RPS6KA2: variants seen among roughly 807,000 people sequenced by gnomAD.
RPS6KA2 encodes ribosomal protein S6 kinase A2.
A neutral mutation model predicts 91.8 loss-of-function variants in RPS6KA2; 42 were observed. That is an observed-to-expected ratio of 0.46 (90% CI 0.36 to 0.59). The LOEUF (loss-of-function observed/expected upper bound fraction) is 0.59, where lower values mean the gene tolerates loss of function less well. RPS6KA2 is among the 20% of genes least tolerant of loss of function. The pLI is 0.00. For missense variants in RPS6KA2, 798 were observed against 978.5 expected (o/e 0.82, Z 2.46); for synonymous variants, 414 against 393.6 (o/e 1.05, Z -0.61).
rs1449272308 is a variant in RPS6KA2, at chr6:166,494,646, C to T, written c.747+3862G>A. Among the ~76,000 whole-genome samples the T allele has an allele frequency of 6.6e-6, 1 of 152,180 alleles. No homozygotes were observed. The highest frequency in any genetic ancestry group is 1.5e-5 in the Non-Finnish European group (1 of 68,030). On this transcript the variant is annotated intron_variant, in intron 8 of 20. Coordinates refer to ENST00000265678, the MANE Select transcript of RPS6KA2 (RefSeq NM_021135.6). The surrounding 1 kb of genome is among the most constrained non-coding windows in gnomAD (Gnocchi z 5.1). ...CAGCCGGCCACCAGGTTTGCACGTT[C>T]TTCTCCAGGTACCAGCTCCTAATTT...
At chr6:166,467,094 ACTCT>A (rs1295152145) in intron 11 of RPS6KA2, among the ~76,000 whole-genome samples, 13 of 147,608 alleles carry the variant, frequency 8.8e-5, no homozygotes, top group African/African-American at 1.5e-4. Flanking sequence ...TCACTCATTC[ACTCT>A]CTAACTCACT....
At chr6:166,684,554 A>G (rs950818750) in intron 2 of RPS6KA2, among the ~76,000 whole-genome samples, 3 of 152,124 alleles carry the variant, frequency 2.0e-5, no homozygotes, top group Non-Finnish European at 4.4e-5. Flanking sequence ...CTAAGCCCCA[A>G]TTTGAGGCTC....
At chr6:166,444,494 C>T (rs1256060333) in intron 14 of RPS6KA2, among the ~76,000 whole-genome samples, 2 of 152,232 alleles carry the variant, frequency 1.3e-5, no homozygotes, top group African/African-American at 4.8e-5. Context: ...CACATCTGTT[C>T]ACCTACAATG....
intron 2 of RPS6KA2, among the ~76,000 whole-genome samples, chr6:166,832,016 A>G (rs769605411): frequency 6.6e-6 from 1 of 151,250 alleles, no homozygotes; most frequent in Non-Finnish European, 1.5e-5. Flanking sequence ...ACATATATAC[A>G]TACATGTATA....
In RPS6KA2 at chr6:166,627,160, C is replaced by G; in HGVS notation, c.-141G>C. The G allele has an allele frequency of 1.1e-5, 12 of 1,100,940 alleles. No individual in the cohort carries two copies. The highest frequency in any genetic ancestry group is 1.3e-5 in the Non-Finnish European group (12 of 905,424). 68.2% of individuals were successfully genotyped at this position (1,100,940 alleles called of 1,614,324 possible). On this transcript the variant is annotated 5_prime_UTR_variant, in exon 1 of 21. Coordinates refer to ENST00000265678, the MANE Select transcript of RPS6KA2 (RefSeq NM_021135.6). ...GGCCATGGGCGCGGGGCGTGGGGCGCGAGCTGCGGTCACAAAGGGCAGGCC... is the reference window on the plus strand; with the variant it reads ...GGCCATGGGCGCGGGGCGTGGGGCGGGAGCTGCGGTCACAAAGGGCAGGCC...
At chr6:166,701,485 G>T in intron 2 of RPS6KA2, 1 of 1,186,230 alleles carries the variant, frequency 8.4e-7, no homozygotes, top group Non-Finnish European at 1.3e-6. Flanking sequence ...CCTCACCTTA[G>T]CATCTGGTGC....
chr6:166,813,126 T>C lies in RPS6KA2; in HGVS notation c.123+45074A>G, dbSNP rs975422898. 3.3e-5 allele frequency among the ~76,000 whole-genome samples: 5 copies of C among 151,972 alleles called. No individual in the cohort carries two copies. The East Asian group carries it at 7.7e-4, about 24-fold the overall frequency. The stretch of plus-strand genomic sequence containing the variant: ...AGACCACCGCTCCCTGGAGAACGGA[T>C]CCAGACTTTCCCCACATCTTTTATA... On this transcript the variant is annotated intron_variant, in intron 2 of 21. Transcript: ENST00000503859.
chr6:166,596,860 C>T (rs1171615509), intron 1 of RPS6KA2, among the ~76,000 whole-genome samples: 19 of 152,180 alleles, frequency 1.2e-4, no homozygotes, highest in Admixed American at 1.2e-3. Context: ...GGGGGGTTTC[C>T]ACCACTGAAA....
intron 5 of RPS6KA2, among the ~76,000 whole-genome samples, chr6:166,505,903 G>A (rs1013311175): frequency 5.9e-5 from 9 of 152,190 alleles, no homozygotes; most frequent in Admixed American, 3.9e-4. Context: ...ATATCCACAC[G>A]TGGCCCACCA....
intron 1 of RPS6KA2, among the ~76,000 whole-genome samples, chr6:166,575,900 T>C (rs1449580341): frequency 2.0e-5 from 3 of 152,138 alleles, no homozygotes; most frequent in East Asian, 1.9e-4. Context: ...TAAAGCAAAA[T>C]AGGTGATATG....
intron 11 of RPS6KA2, among the ~76,000 whole-genome samples, chr6:166,468,355 A>T (rs983780343): frequency 1.3e-5 from 2 of 152,212 alleles, no homozygotes; most frequent in South Asian, 4.1e-4. Flanking sequence ...TAATCTTACG[A>T]AAGTTCTTTA....
rs1409670351 is a variant in RPS6KA2 at position 166,790,949 on chromosome 6, C to T, written c.123+67251G>A. Among the ~76,000 whole-genome samples, 4 of 152,322 alleles carry T rather than the reference C, an allele frequency of 2.6e-5. No homozygotes were observed. In the East Asian group the frequency reaches 5.8e-4, roughly 22 times the overall value. ...GACCATCAAGGCTAGGAAGAAACTA[C>T]ATCAACTAACGAGCAAAATAACCAG... On this transcript the variant is annotated intron_variant, in intron 2 of 21. Transcript: ENST00000503859.
intron 2 of RPS6KA2, among the ~76,000 whole-genome samples, chr6:166,657,977 C>G (rs1026374416): frequency 6.6e-6 from 1 of 152,134 alleles, no homozygotes; most frequent in African/African-American, 2.4e-5. Flanking sequence ...TCCACCTCCC[C>G]GGTTCAAGCG....
intron 2 of RPS6KA2, among the ~76,000 whole-genome samples, chr6:166,762,340 C>A (rs752216752): frequency 5.3e-5 from 8 of 152,136 alleles, no homozygotes; most frequent in Non-Finnish European, 1.0e-4. Flanking sequence ...AATTGGTATG[C>A]ATGTGTGTGT....
intron 2 of RPS6KA2, among the ~76,000 whole-genome samples, chr6:166,532,339 C>T (rs1250296774): frequency 6.6e-6 from 1 of 152,214 alleles, no homozygotes; most frequent in Non-Finnish European, 1.5e-5. Context: ...GGGGCAACGT[C>T]TAGACACTTA....
At chr6:166,480,532 T>TGA (rs1781176679) in intron 10 of RPS6KA2, among the ~76,000 whole-genome samples, 5 of 138,616 alleles carry the variant, frequency 3.6e-5, no homozygotes, top group South Asian at 2.3e-4. Context: ...TTTTTTTTTT[T>TGA]GAGAGAGAGT....
At chr6:166,595,797 C>CACATAAAA (rs1222427001) in intron 1 of RPS6KA2, among the ~76,000 whole-genome samples, 1 of 152,166 alleles carries the variant, frequency 6.6e-6, no homozygotes, top group Non-Finnish European at 1.5e-5. Context: ...AGGATGGGTA[C>CACATAAAA]ACATAAAACT....
At chr6:166,599,796 G>A (rs560342177) in intron 1 of RPS6KA2, among the ~76,000 whole-genome samples, 3 of 152,264 alleles carry the variant, frequency 2.0e-5, no homozygotes, top group South Asian at 2.1e-4. Flanking sequence ...TGGGAGAAAC[G>A]ACACAGGCTT....
At chr6:166,653,583 A>G (rs1010882916) in intron 2 of RPS6KA2, among the ~76,000 whole-genome samples, 6 of 152,240 alleles carry the variant, frequency 3.9e-5, no homozygotes, top group Non-Finnish European at 8.8e-5. Flanking sequence ...ATAACCAGAA[A>G]TACAGCTGTC....
Sources: allele counts gnomAD v4.1 joint callset (sites outside exome capture counted in the v4.1 genomes callset), GRCh38; gene constraint gnomAD v4.1.1; non-coding constraint Gnocchi (gnomAD v3.1); transcripts MANE v1.5; gene names NCBI Gene and HGNC (gene_info 2026-07-23, HGNC 2026-07-21).